GGPS1: variants seen among roughly 807,000 people sequenced by gnomAD.
GGPS1 encodes geranylgeranyl pyrophosphate synthase.
In GGPS1, 15 loss-of-function variants were observed where a neutral mutation model predicts 28.1. The observed-to-expected ratio is 0.53, with a 90% confidence interval of 0.36 to 0.82. The LOEUF (loss-of-function observed/expected upper bound fraction) is 0.82, where lower values mean the gene tolerates loss of function less well. Ranked by LOEUF, GGPS1 falls within the 40% of genes least tolerant of loss-of-function variation. GGPS1 has a pLI of 0.01. For synonymous variants in GGPS1, 138 were observed against 122.4 expected (o/e 1.13, Z -0.84); for missense variants, 284 against 348.3 (o/e 0.82, Z 1.47).
rs1675829665 is a variant in GGPS1 at position 235,335,229 on chromosome 1, TC to T, written c.-23-11del. ...TAGTTTCATGTGATCTTTATGTTTC[TC>T]CTTTTTGACAGATTAGCTTTGAAGT... On this transcript the variant is annotated splice_polypyrimidine_tract_variant and intron_variant, in intron 1 of 3. Transcript: ENST00000282841. 1.9e-6 allele frequency: 2 copies of T among 1,053,984 alleles called. No individual in the cohort carries two copies. The highest frequency in any genetic ancestry group is 4.7e-5 in the East Asian group (2 of 42,304). The allele number at this position is 1,053,984 out of a possible 1,614,324, so 65.3% of individuals were successfully genotyped here.
rs1336268535 is a variant in GGPS1, at chr1:235,343,256, A to G, written c.*484A>G. ...GGAAACACCCTCACTGAAGTCTTCT[A>G]TGAAAAGGCTGATAATGGGCTGGGC... On this transcript the variant is annotated 3_prime_UTR_variant, in exon 4 of 4. Coordinates refer to ENST00000282841, the MANE Select transcript of GGPS1 (RefSeq NM_004837.4). 2 of 167,664 alleles carry G rather than the reference A, an allele frequency of 1.2e-5. No individual in the cohort carries two copies. Among genetic ancestry groups the G allele is most frequent in the South Asian group, 2.1e-4 (1 of 4,842 alleles). 10.4% of individuals were successfully genotyped at this position (167,664 alleles called of 1,614,324 possible). A position where few individuals can be genotyped will look rare whatever the true frequency, so the allele number is the denominator to read the frequency against.
upstream of GGPS1, chr1:235,327,785 A>C (rs1675440847): frequency 6.5e-6 from 1 of 152,712 alleles, no homozygotes; most frequent in Admixed American, 6.5e-5. Flanking sequence ...CGGAGGCGAG[A>C]TCTGACCCTG....
At chr1:235,335,202 A>G in intron 1 of GGPS1, 40 bp from the exon 2 acceptor site, 1 of 824,968 alleles carries the variant, frequency 1.2e-6, no homozygotes, top group East Asian at 2.5e-5. Flanking sequence ...CTGAAAGATG[A>G]TTAGTTTCAT....
intron 1 of GGPS1, chr1:235,329,201 C>T (rs921279871): frequency 7.9e-5 from 12 of 152,264 alleles, no homozygotes; most frequent in African/African-American, 2.9e-4. Context: ...TCTGGCCATT[C>T]TCAAACCAGG....
At chr1:235,339,260 CTG>C (rs1455647688) in intron 2 of GGPS1, among the ~76,000 whole-genome samples, 1 of 150,298 alleles carries the variant, frequency 6.7e-6, no homozygotes, top group African/African-American at 2.4e-5. Context: ...GATCGTGACA[CTG>C]TACCCCAGCC....
At chr1:235,333,214 G>C (rs532352518) in intron 1 of GGPS1, among the ~76,000 whole-genome samples, 31 of 151,618 alleles carry the variant, frequency 2.0e-4, no homozygotes, top group African/African-American at 7.5e-4. Flanking sequence ...AGCTGTATCA[G>C]AATCATACAA....
chr1:235,328,937 GAGAGGA>G (rs1675574936), intron 1 of GGPS1, 159 bp downstream of exon 1: 1 of 152,660 alleles, frequency 6.6e-6, no homozygotes, highest in African/African-American at 2.4e-5. Flanking sequence ...AGCGAGGAGG[GAGAGGA>G]AGGGTTGGCC....
intron 2 of GGPS1, among the ~76,000 whole-genome samples, chr1:235,340,923 C>G (rs1375904147): frequency 2.0e-5 from 3 of 151,904 alleles, no homozygotes; most frequent in Non-Finnish European, 2.9e-5. Flanking sequence ...AACCTTAATT[C>G]AAAGGAGAAA....
rs918441965 is a variant in GGPS1, at chr1:235,339,106, C to T, written c.71-2602C>T. Among the ~76,000 whole-genome samples, 9 of 152,180 alleles carry T rather than the reference C, an allele frequency of 5.9e-5. No homozygotes were observed. In the East Asian group the frequency reaches 1.5e-3, roughly 26 times the overall value. On this transcript the variant is annotated intron_variant, in intron 2 of 3. Coordinates refer to ENST00000282841, the MANE Select transcript of GGPS1 (RefSeq NM_004837.4). Reference sequence around the variant, plus strand: ...CCTGAGGTCAGGAATTCAAGACCAGCCTGGCCAACATGATGAAACCGTCTC... The same window carrying T: ...CCTGAGGTCAGGAATTCAAGACCAGTCTGGCCAACATGATGAAACCGTCTC...
chr1:235,335,399 CA>C, intron 2 of GGPS1, 65 bp downstream of exon 2: 1 of 751,722 alleles, frequency 1.3e-6, no homozygotes, highest in South Asian at 1.6e-5. Context: ...CAAATGTTAG[CA>C]AATAGAAAAG....
At chr1:235,336,342 G>C (rs180904630) in intron 2 of GGPS1, among the ~76,000 whole-genome samples, 84 of 152,278 alleles carry the variant, frequency 5.5e-4, no homozygotes, top group Non-Finnish European at 9.3e-4. Context: ...AGTGAGCTGA[G>C]ATTGCATCAC....
chr1:235,330,242 T>C (rs1016729564), intron 1 of GGPS1: 3 of 152,108 alleles, frequency 2.0e-5, no homozygotes, highest in Admixed American at 6.6e-5. Context: ...CCCAGCACTT[T>C]GGGAGGCCGA....
At chr1:235,339,281 A>G (rs1328661537) in intron 2 of GGPS1, among the ~76,000 whole-genome samples, 1 of 151,814 alleles carries the variant, frequency 6.6e-6, no homozygotes, top group East Asian at 1.9e-4. Flanking sequence ...CCTGGGCAAC[A>G]AGAGCAAAAC....
intron 1 of GGPS1, among the ~76,000 whole-genome samples, chr1:235,334,356 A>G (rs1675805961): frequency 6.6e-6 from 1 of 152,212 alleles, no homozygotes. Flanking sequence ...TTAAAATAGG[A>G]AAAGCTTAAT....
chr1:235,343,140 C>T lies in GGPS1; in HGVS notation c.*368C>T, dbSNP rs1676102264. 3.5e-5 allele frequency: 6 copies of T among 173,316 alleles called. No individual in the cohort carries two copies. The Admixed American group carries it at 3.9e-4, about 11-fold the overall frequency. 10.7% of individuals were successfully genotyped at this position (173,316 alleles called of 1,614,324 possible). A position where few individuals can be genotyped will look rare whatever the true frequency, so the allele number is the denominator to read the frequency against. On this transcript the variant is annotated 3_prime_UTR_variant, in exon 4 of 4. Transcript: ENST00000282841. ...TCTAACTGTACTATCTGGGCAGTTCCAAGCCAGTTTCTATTAGCTAGCTGG... is the reference window on the plus strand; with the variant it reads ...TCTAACTGTACTATCTGGGCAGTTCTAAGCCAGTTTCTATTAGCTAGCTGG...
At chr1:235,335,427 G>A (rs1048862055) in intron 2 of GGPS1, 93 bp downstream of exon 2, 11 of 606,310 alleles carry the variant, frequency 1.8e-5, no homozygotes, top group South Asian at 1.3e-4. Context: ...CTTGCTAGCC[G>A]TTGAGATTTT....
chr1:235,332,166 AT>A (rs1675736732), intron 1 of GGPS1, among the ~76,000 whole-genome samples: 1 of 152,214 alleles, frequency 6.6e-6, no homozygotes, highest in South Asian at 2.1e-4. Context: ...TAGGGGGTCC[AT>A]CACCCATGTA....
In GGPS1 at chr1:235,342,716, G is replaced by C; in HGVS notation, c.847G>C (p.Glu283Gln). 3 of 1,607,380 alleles carry C rather than the reference G, an allele frequency of 1.9e-6. No individual in the cohort carries two copies. The highest frequency in any genetic ancestry group is 2.5e-6 in the Non-Finnish European group (3 of 1,176,794). ...KQIDARGGNP[E>Q]LVALVKHLSK... ...GATTGATGCACGTGGTGGGAACCCT[G>C]AGCTAGTAGCCTTAGTAAAACACTT... The change falls in exon 4 of 4, where the codon GAG becomes CAG. Residue 283 changes from glutamate to glutamine, a missense_variant. Coordinates refer to ENST00000282841, the MANE Select transcript of GGPS1 (RefSeq NM_004837.4).
chr1:235,335,154 C>A (rs1259032062), intron 1 of GGPS1, 88 bp from the exon 2 acceptor site: 4 of 638,636 alleles, frequency 6.3e-6, no homozygotes, highest in African/African-American at 1.9e-5. Flanking sequence ...TGTCTTTTCA[C>A]AAACACCCTG....
Sources: gnomAD v4.1 joint callset for allele counts (sites outside exome capture counted in the v4.1 genomes callset) on GRCh38, gnomAD v4.1.1 for gene constraint, MANE v1.5 for transcripts, NCBI Gene and HGNC (gene_info 2026-07-23, HGNC 2026-07-21) for gene names.